DLL3: variants seen among roughly 807,000 people sequenced by gnomAD.
DLL3 encodes delta like canonical Notch ligand 3, also known as delta-like protein 3.
Under a neutral mutation model 55.0 loss-of-function variants are expected in DLL3, and 49 were observed. The observed-to-expected ratio is 0.89, with a 90% CI of 0.71 to 1.13. The LOEUF (loss-of-function observed/expected upper bound fraction) is 1.13. Among genes scored for constraint, DLL3 ranks in the 50% most tolerant of loss-of-function variants. The pLI, the probability that DLL3 is intolerant of heterozygous loss-of-function variation, is 0.00. For synonymous variants in DLL3, 421 were observed against 385.2 expected (o/e 1.09, Z -1.09); for missense variants, 962 against 875.5 (o/e 1.10, Z -1.25).
intron 8 of DLL3, 46 bp downstream of exon 8, chr19:39,507,960 C>T (rs1042641489): frequency 8.1e-6 from 13 of 1,614,088 alleles, no homozygotes; most frequent in Non-Finnish European, 9.3e-6. Flanking sequence ...GCGCGCTGGG[C>T]AGAGGCAGCA....
At chr19:39,500,799 C>T (rs2079605681) in intron 3 of DLL3, 127 bp downstream of exon 3, 2 of 816,426 alleles carry the variant, frequency 2.4e-6, no homozygotes, top group East Asian at 5.2e-5. Flanking sequence ...GTGTTGACAG[C>T]TCCAGGGCTC....
rs116099821 is a variant in DLL3 at position 39,507,820 on chromosome 19, C to T, written c.1674-10C>T. 1.6e-3 allele frequency: 2,548 copies of T among 1,614,092 alleles called. 29 individuals are homozygous for T. In the African/African-American group the frequency reaches 0.028, roughly 18 times the overall value. ...GAGTCTGAGTTTTTCTTCTTTCTCT[C>T]CTCCCACAGCTCGTCCGTAGATTGG... is the stretch of plus-strand genomic sequence containing the variant. On this transcript the variant is annotated splice_polypyrimidine_tract_variant and intron_variant, in intron 7 of 8. Transcript: ENST00000356433.
At chr19:39,504,048 C>G (rs1203980863) in intron 4 of DLL3, 23 bp from the exon 5 acceptor site, 5 of 1,612,034 alleles carry the variant, frequency 3.1e-6, no homozygotes, top group Non-Finnish European at 4.2e-6. Flanking sequence ...TTCCCTTTCT[C>G]TCTGCCTCTC....
intron 6 of DLL3, 94 bp from the exon 7 acceptor site, chr19:39,506,945 G>A: frequency 1.5e-6 from 2 of 1,341,588 alleles, no homozygotes; most frequent in Non-Finnish European, 2.0e-6. Flanking sequence ...GAGAAAAAGG[G>A]GACCCCGTGC....
chr19:39,500,815 A>G (rs2079605714), intron 3 of DLL3, 143 bp downstream of exon 3: 2 of 739,668 alleles, frequency 2.7e-6, no homozygotes, highest in Non-Finnish European at 4.8e-6. Context: ...GGCTCTTGGC[A>G]TCTCAGGCAC....
chr19:39,502,875 C>T lies in DLL3; in HGVS notation c.470C>T (p.Pro157Leu), dbSNP rs1028956837. The T allele has an allele frequency of 1.4e-6, 2 of 1,421,554 alleles. No individual in the cohort carries two copies. Among genetic ancestry groups the T allele is most frequent in the Non-Finnish European group, 1.8e-6 (2 of 1,092,686 alleles). 88.1% of individuals were successfully genotyped at this position (1,421,554 alleles called of 1,614,324 possible). ...AGGCGGCGCTTGGCAGCCGGAGGCC[C>T]GTGGGCCCGGGACATTCAGCGCGCA... ...AGRRRLAAGG[P>L]WARDIQRAGA... The change falls in exon 4 of 9, where the codon CCG (proline) becomes CTG (leucine). Residue 157 changes from proline to leucine, a missense_variant. By Grantham distance (98) the Pro-to-Leu change is moderately conservative. Transcript: ENST00000356433.
chr19:39,505,509 C>T, intron 6 of DLL3, 58 bp downstream of exon 6: 2 of 1,595,098 alleles, frequency 1.3e-6, no homozygotes, highest in Non-Finnish European at 1.7e-6. Flanking sequence ...ATGGCTCAGA[C>T]AGTCCAGGGT....
intron 3 of DLL3, among the ~76,000 whole-genome samples, 156 bp from the exon 4 acceptor site, chr19:39,502,659 A>T (rs1323682607): frequency 1.3e-5 from 2 of 152,170 alleles, no homozygotes; most frequent in Non-Finnish European, 2.9e-5. Context: ...GTAGAGGGTG[A>T]CTGCCATTCT....
Position 39,499,492 on chromosome 19 carries a change from G to A in DLL3, c.351+19G>A. On this transcript the variant is annotated intron_variant, in intron 2 of 8. Coordinates refer to ENST00000356433, the MANE Select transcript of DLL3 (RefSeq NM_203486.3). ...CTGGCCTGTAAGTGCTGCCCCCGGGGGACTCCCGGTGCTGGAGGCCTAACC... is the reference window on the plus strand; with the variant it reads ...CTGGCCTGTAAGTGCTGCCCCCGGGAGACTCCCGGTGCTGGAGGCCTAACC... 6.3e-7 allele frequency: 1 copy of A among 1,579,294 alleles called. No individual in the cohort carries two copies.
At chr19:39,508,165 G>C in intron 8 of DLL3, 87 bp from the exon 9 acceptor site, 2 of 1,614,124 alleles carry the variant, frequency 1.2e-6, no homozygotes, top group East Asian at 4.5e-5. Flanking sequence ...GACTCCGCCA[G>C]AGCTTTTCCA....
chr19:39,505,992 C>T (rs1443907402), intron 6 of DLL3, among the ~76,000 whole-genome samples: 2 of 152,058 alleles, frequency 1.3e-5, no homozygotes, highest in Non-Finnish European at 2.9e-5. Context: ...GGGCAGATCA[C>T]CTGAGCTCAG....
At chr19:39,499,855 T>TC (rs964595911) in intron 2 of DLL3, among the ~76,000 whole-genome samples, 15 of 58,510 alleles carry the variant, frequency 2.6e-4, no homozygotes, top group African/African-American at 3.2e-4. Flanking sequence ...CTTCTCTCTC[T>TC]TTTTTTTTTT....
chr19:39,499,026 C>T lies in DLL3; in HGVS notation c.52C>T (p.Leu18Phe), dbSNP rs748777921. 6.2e-7 allele frequency: 1 copy of T among 1,613,954 alleles called. No individual in the cohort carries two copies. Among genetic ancestry groups the T allele is most frequent in the Non-Finnish European group, 8.5e-7 (1 of 1,180,032 alleles). Reference sequence around the variant, plus strand: ...CCTCTCCCAGACTGTGATCCTAGCGCTCATTTTCCTCCCCCAGGTCAGAGC... The same window carrying T: ...CCTCTCCCAGACTGTGATCCTAGCGTTCATTTTCCTCCCCCAGGTCAGAGC... ...GLLSQTVILA[L>F]IFLPQTRPAG... is the part of the protein sequence containing the mutation. The change falls in exon 1 of 9, where the codon CTC (leucine) becomes TTC (phenylalanine). Residue 18 changes from leucine to phenylalanine, a missense_variant. By Grantham distance (22) the Leu-to-Phe change is conservative. Transcript: ENST00000356433.
rs757173865 is a variant in DLL3 at position 39,498,982 on chromosome 19, C to T, written c.8C>T (p.Ser3Phe). The change falls in exon 1 of 9, where the codon TCC becomes TTC. Residue 3 changes from serine (S) to phenylalanine (F), a missense_variant. Transcript: ENST00000356433. MVSPRMSGLLSQT... is the reference protein window; with the variant it reads MVFPRMSGLLSQT... The stretch of plus-strand genomic sequence containing the variant: ...CCCCCCCACCAGAAGGCCATGGTCT[C>T]CCCACGGATGTCCGGGCTCCTCTCC... 24 of 1,613,878 alleles carry T rather than the reference C, an allele frequency of 1.5e-5. No homozygotes were observed. Among genetic ancestry groups the T allele is most frequent in the Non-Finnish European group, 1.9e-5 (23 of 1,180,024 alleles).
At position 39,507,889 on chromosome 19, in the gene DLL3, C is replaced by G. The variant is rs1309093568; in HGVS notation, c.1733C>G (p.Ser578Cys). 3.1e-6 allele frequency: 5 copies of G among 1,614,164 alleles called. No homozygotes were observed. Among genetic ancestry groups the G allele is most frequent in the Non-Finnish European group, 4.2e-6 (5 of 1,180,040 alleles). The change falls in exon 8 of 9, where the codon TCT becomes TGT. Residue 578 changes from serine to cysteine, a missense_variant. By Grantham distance (112) the Ser-to-Cys change is moderately radical. Transcript: ENST00000356433. ...GACCCTCAAGGGATTTATGTCATATCTGCTCCTTCCATCTACGCTCGGGAG... is the reference window on the plus strand; with the variant it reads ...GACCCTCAAGGGATTTATGTCATATGTGCTCCTTCCATCTACGCTCGGGAG... ...DVDPQGIYVI[S>C]APSIYAREA is the part of the protein sequence containing the mutation.
At chr19:39,503,131 C>A in intron 4 of DLL3, 74 bp downstream of exon 4, 1 of 1,456,054 alleles carries the variant, frequency 6.9e-7, no homozygotes, top group South Asian at 1.3e-5. Context: ...TCGCGGCCCC[C>A]AGTCCCCTCT....
At chr19:39,501,462 C>T (rs966538646) in intron 3 of DLL3, among the ~76,000 whole-genome samples, 2 of 151,572 alleles carry the variant, frequency 1.3e-5, no homozygotes, top group East Asian at 1.9e-4. Flanking sequence ...AGGCCCACAG[C>T]GGGGGTTTTG....
rs745786021 is a variant in DLL3 at position 39,507,116 on chromosome 19, G to C, written c.1171G>C (p.Asp391His). ...AGFAGPRCEH[D>H]LDDCAGRACA... ...CTTCGCGGGTCCTCGCTGCGAGCAC[G>C]ACCTGGACGACTGCGCGGGCCGCGC... is the stretch of plus-strand genomic sequence containing the variant. Residue 391 changes from aspartate (D) to histidine (H), a missense_variant, in exon 7 of 9, where the codon GAC becomes CAC. Asp to His is a moderately conservative substitution (Grantham distance 81). Coordinates refer to ENST00000356433, the MANE Select transcript of DLL3 (RefSeq NM_203486.3). 7.2e-6 allele frequency: 11 copies of C among 1,535,478 alleles called. No individual in the cohort carries two copies. Among genetic ancestry groups the C allele is most frequent in the Non-Finnish European group, 9.6e-6 (11 of 1,148,632 alleles).
At chr19:39,503,097 AC>A (rs2079620841) in intron 4 of DLL3, 40 bp downstream of exon 4, 12 of 1,510,188 alleles carry the variant, frequency 7.9e-6, no homozygotes, top group South Asian at 1.2e-5. Flanking sequence ...CCAGCCGGGG[AC>A]CCCGGCCCCT....
Sources: gnomAD v4.1 joint callset for allele counts (sites outside exome capture counted in the v4.1 genomes callset) on GRCh38, gnomAD v4.1.1 for gene constraint, MANE v1.5 for transcripts, NCBI Gene and HGNC (gene_info 2026-07-23, HGNC 2026-07-21) for gene names.